PCDHA8: variants seen among roughly 807,000 people sequenced by gnomAD.
PCDHA8 encodes the protein protocadherin alpha 8.
A neutral mutation model predicts 61.8 loss-of-function variants in PCDHA8; 53 were observed. The ratio of observed to expected loss-of-function variants is 0.86; its 90% CI spans 0.69 to 1.08. The LOEUF (loss-of-function observed/expected upper bound fraction) is 1.08. Among genes scored for constraint, PCDHA8 ranks in the 50% least tolerant of loss-of-function variants. PCDHA8 has a pLI of 0.00. For synonymous variants in PCDHA8, 618 were observed against 556.6 expected (o/e 1.11, Z -1.55); for missense variants, 1,293 against 1,245.0 (o/e 1.04, Z -0.58).
intron 1 of PCDHA8, among the ~76,000 whole-genome samples, chr5:140,886,986 A>C (rs1246352877): frequency 6.6e-6 from 1 of 152,160 alleles, no homozygotes; most frequent in Non-Finnish European, 1.5e-5. Context: ...TGTAAATCCA[A>C]ATTTCCAGTT....
intron 1 of PCDHA8, chr5:140,848,130 C>T (rs1423427149): frequency 5.3e-6 from 1 of 190,174 alleles, no homozygotes. Flanking sequence ...CAAGGTCATA[C>T]AAAACTTTTA....
chr5:140,895,070 C>G (rs2064827781), intron 1 of PCDHA8, among the ~76,000 whole-genome samples: 1 of 152,106 alleles, frequency 6.6e-6, no homozygotes, highest in African/African-American at 2.4e-5. Context: ...GACTCAATTC[C>G]TATCAGTTCC....
At chr5:140,894,236 T>C (rs1205163436) in intron 1 of PCDHA8, among the ~76,000 whole-genome samples, 7 of 152,250 alleles carry the variant, frequency 4.6e-5, no homozygotes, top group South Asian at 2.1e-4. Context: ...TGAATGACAA[T>C]GTAATTTTCT....
intron 1 of PCDHA8, among the ~76,000 whole-genome samples, chr5:140,881,049 A>C (rs990514512): frequency 6.6e-6 from 1 of 152,238 alleles, no homozygotes; most frequent in Admixed American, 6.5e-5. Flanking sequence ...AGAGTTGTGC[A>C]CAGAACAGGC....
At chr5:141,006,755 A>G (rs1554260896) in intron 3 of PCDHA8, among the ~76,000 whole-genome samples, 1 of 152,190 alleles carries the variant, frequency 6.6e-6, no homozygotes, top group East Asian at 1.9e-4. Flanking sequence ...TAAATGGAGA[A>G]TGAAGAATAG....
At chr5:140,851,689 TAA>T in intron 1 of PCDHA8, 1 of 934,422 alleles carries the variant, frequency 1.1e-6, no homozygotes, top group Non-Finnish European at 1.3e-6. Context: ...CATTCAGTGA[TAA>T]AATGATCAGC....
intron 3 of PCDHA8, among the ~76,000 whole-genome samples, chr5:140,983,637 T>G (rs1306208906): frequency 6.6e-6 from 1 of 152,232 alleles, no homozygotes; most frequent in Non-Finnish European, 1.5e-5. Context: ...TGTACCCAAG[T>G]TCACGTAGCT....
intron 1 of PCDHA8, among the ~76,000 whole-genome samples, chr5:140,947,798 A>C (rs1164932467): frequency 7.3e-5 from 11 of 151,710 alleles, no homozygotes; most frequent in African/African-American, 1.9e-4. Context: ...CAGACTTTTA[A>C]TTTGCAGAGA....
chr5:141,006,296 C>G (rs2153987135), intron 3 of PCDHA8, among the ~76,000 whole-genome samples: 1 of 152,102 alleles, frequency 6.6e-6, no homozygotes, highest in East Asian at 1.9e-4. Context: ...ACTGCAAGCT[C>G]CACTTCCCGG....
chr5:140,850,783 G>A lies in PCDHA8; in HGVS notation c.2394+7068G>A, dbSNP rs2150498112. 4.6e-5 allele frequency: 73 copies of A among 1,598,056 alleles called. 5 individuals carry two copies. Among genetic ancestry groups the A allele is most frequent in the East Asian group, 4.5e-5 (2 of 44,866 alleles). On this transcript the variant is annotated intron_variant, in intron 1 of 3. Coordinates refer to ENST00000531613, the MANE Select transcript of PCDHA8 (RefSeq NM_018911.3). ...AGGCAGAGGGTGTGCTCTGGCGAGG[G>A]TAAGCAGAAGACCGACCTCATGGCC... is the stretch of plus-strand genomic sequence containing the variant.
chr5:140,859,712 A>G (rs1396254172), intron 1 of PCDHA8: 1 of 154,176 alleles, frequency 6.5e-6, no homozygotes, highest in African/African-American at 2.4e-5. Flanking sequence ...GGAACACCAA[A>G]AAAAAATTGT....
chr5:140,995,794 CAT>C (rs1407600046), intron 3 of PCDHA8, among the ~76,000 whole-genome samples: 65 of 152,208 alleles, frequency 4.3e-4, no homozygotes, highest in African/African-American at 1.5e-3. Flanking sequence ...AAATTTGTCT[CAT>C]GTTAGTTTCT....
chr5:140,871,999 T>C (rs116431688), intron 1 of PCDHA8, among the ~76,000 whole-genome samples: 316 of 152,330 alleles, frequency 2.1e-3, no homozygotes, highest in African/African-American at 7.4e-3. Flanking sequence ...CAGTGGCTAT[T>C]TACAGGTGAC....
At chr5:140,869,732 T>C (rs782783003) in intron 1 of PCDHA8, 2 of 1,613,412 alleles carry the variant, frequency 1.2e-6, no homozygotes, top group Non-Finnish European at 1.7e-6. Flanking sequence ...GAACTTAATT[T>C]GCTGCTAACA....
At chr5:140,897,547 C>T (rs1276931434) in intron 1 of PCDHA8, among the ~76,000 whole-genome samples, 3 of 152,076 alleles carry the variant, frequency 2.0e-5, no homozygotes, top group Non-Finnish European at 2.9e-5. Context: ...CATAGTCTTC[C>T]ATGGTGTATA....
At position 140,875,798 on chromosome 5, in the gene PCDHA8, T is replaced by C. The variant is rs377753022; in HGVS notation, c.2394+32083T>C. On this transcript the variant is annotated intron_variant, in intron 1 of 3. Coordinates refer to ENST00000531613, the MANE Select transcript of PCDHA8 (RefSeq NM_018911.3). ...GAGTGCAGTATCCACCTGGAGGTGATCGTGGACAGGCCGCTGCAGGTTTTC... is the reference window on the plus strand; with the variant it reads ...GAGTGCAGTATCCACCTGGAGGTGACCGTGGACAGGCCGCTGCAGGTTTTC... 1.5e-5 allele frequency: 24 copies of C among 1,614,138 alleles called. No individual in the cohort carries two copies. In the African/African-American group the frequency reaches 3.1e-4, roughly 21 times the overall value.
intron 1 of PCDHA8, among the ~76,000 whole-genome samples, chr5:140,945,070 C>T (rs2093734077): frequency 6.6e-6 from 1 of 151,960 alleles, no homozygotes; most frequent in African/African-American, 2.4e-5. Context: ...ACAGACTCCA[C>T]CAAAACACTC....
chr5:140,909,895 C>A (rs1296442880), intron 1 of PCDHA8, among the ~76,000 whole-genome samples: 1 of 152,152 alleles, frequency 6.6e-6, no homozygotes, highest in Non-Finnish European at 1.5e-5. Context: ...GTTCAGTAGT[C>A]CCTGAAATGG....
At chr5:141,001,216 G>T (rs938133871) in intron 3 of PCDHA8, among the ~76,000 whole-genome samples, 1 of 152,082 alleles carries the variant, frequency 6.6e-6, no homozygotes, top group Non-Finnish European at 1.5e-5. Context: ...GCTGTATAAG[G>T]ATAGTTACAT....
Sources: allele counts gnomAD v4.1 joint callset (sites outside exome capture counted in the v4.1 genomes callset), GRCh38; gene constraint gnomAD v4.1.1; transcripts MANE v1.5; gene names NCBI Gene and HGNC (gene_info 2026-07-23, HGNC 2026-07-21).